The following KAZN variants were observed in gnomAD, a reference collection of about 807,000 sequenced individuals.
KAZN encodes kazrin.
In KAZN, 40 loss-of-function variants were observed where a neutral mutation model predicts 87.4. That is an observed-to-expected ratio of 0.46 (90% CI 0.36 to 0.60). The LOEUF (loss-of-function observed/expected upper bound fraction) is 0.60. Among genes scored for constraint, KAZN ranks in the 20% least tolerant of loss-of-function variants. KAZN has a pLI of 0.00. For synonymous variants in KAZN, 466 were observed against 458.3 expected, an observed-to-expected ratio of 1.02 and a Z score of -0.22; for missense variants, 898 against 1,073.9, an observed-to-expected ratio of 0.84 and a Z score of 2.29.
chr1:14,962,513 G>C (rs751597567), intron 2 of KAZN, among the ~76,000 whole-genome samples: 2 of 151,970 alleles, frequency 1.3e-5, no homozygotes, highest in African/African-American at 4.8e-5. Context: ...CATCCTCCAC[G>C]CCCAGCTTCC....
chr1:14,485,226 T>C (rs564973792), intron 2 of KAZN, among the ~76,000 whole-genome samples: 8 of 152,356 alleles, frequency 5.3e-5, no homozygotes, highest in African/African-American at 1.9e-4. Context: ...CATTTCCCTT[T>C]CATTGACCAC....
intron 2 of KAZN, among the ~76,000 whole-genome samples, chr1:14,379,227 C>T (rs1211536492): frequency 2.0e-5 from 3 of 151,666 alleles, no homozygotes; most frequent in African/African-American, 7.3e-5. Flanking sequence ...CCCTGAACAA[C>T]TGGCAGAAAT....
chr1:14,439,698 A>G (rs963485438), intron 2 of KAZN, among the ~76,000 whole-genome samples: 1 of 152,232 alleles, frequency 6.6e-6, no homozygotes, highest in African/African-American at 2.4e-5. Flanking sequence ...AAATAGTCAC[A>G]TGAGGCAGTG....
chr1:13,966,411 G>A (rs551275012), intron 1 of KAZN, among the ~76,000 whole-genome samples: 2 of 152,350 alleles, frequency 1.3e-5, no homozygotes, highest in South Asian at 4.1e-4. Context: ...GGCGGCAGCA[G>A]GTCCTCACAG....
At chr1:14,063,688 C>A (rs1642885103) in intron 1 of KAZN, among the ~76,000 whole-genome samples, 1 of 152,254 alleles carries the variant, frequency 6.6e-6, no homozygotes, top group South Asian at 2.1e-4. Context: ...TGTGTCCACT[C>A]AAATCTCACC....
At chr1:14,092,242 C>G (rs886987434) in intron 1 of KAZN, among the ~76,000 whole-genome samples, 4 of 151,194 alleles carry the variant, frequency 2.6e-5, no homozygotes, top group African/African-American at 9.7e-5. Flanking sequence ...AGGCGCCCAC[C>G]ACCACGCCCA....
intron 1 of KAZN, among the ~76,000 whole-genome samples, chr1:13,934,789 TG>T (rs145629288): frequency 0.17 from 25,709 of 152,158 alleles, 2,198 homozygotes; most frequent in African/African-American, 0.18. Flanking sequence ...TTACTTGGGT[TG>T]TTTACTTGCC....
At chr1:14,521,628 A>G (rs546636019) in intron 2 of KAZN, among the ~76,000 whole-genome samples, 2 of 152,330 alleles carry the variant, frequency 1.3e-5, no homozygotes, top group East Asian at 1.9e-4. Flanking sequence ...CAGCAAAGCA[A>G]CTGGCTTTGA....
intron 1 of KAZN, among the ~76,000 whole-genome samples, chr1:14,019,473 A>G (rs1286247083): frequency 6.6e-6 from 1 of 152,146 alleles, no homozygotes; most frequent in Non-Finnish European, 1.5e-5. Flanking sequence ...TTTGCTAGTT[A>G]TCCCTTTATC....
chr1:14,037,579 G>A (rs1422102460), intron 1 of KAZN, among the ~76,000 whole-genome samples: 1 of 152,180 alleles, frequency 6.6e-6, no homozygotes. Context: ...CGTGTGGCTT[G>A]CGGGGAGAAA....
chr1:14,953,684 C>T (rs1023005832), intron 1 of KAZN, among the ~76,000 whole-genome samples: 1 of 151,808 alleles, frequency 6.6e-6, no homozygotes, highest in African/African-American at 2.4e-5. Context: ...TTACTTAGAC[C>T]TTTGGCTTGG....
intron 1 of KAZN, among the ~76,000 whole-genome samples, chr1:14,891,521 G>A (rs779364666): frequency 3.9e-5 from 6 of 152,200 alleles, no homozygotes; most frequent in Non-Finnish European, 7.3e-5. Flanking sequence ...TAAGGAATCT[G>A]TATTTTAACA....
chr1:14,582,134 C>T (rs550124102), intron 2 of KAZN, among the ~76,000 whole-genome samples: 53 of 148,700 alleles, frequency 3.6e-4, no homozygotes, highest in Middle Eastern at 3.6e-3. Context: ...CACAACATCC[C>T]TATTTTACAA....
chr1:13,966,716 C>A (rs1641959454), intron 1 of KAZN, among the ~76,000 whole-genome samples: 1 of 152,134 alleles, frequency 6.6e-6, no homozygotes, highest in Admixed American at 6.5e-5. Flanking sequence ...GTAAAATAGA[C>A]ACAGGATTTC....
chr1:14,390,071 G>T (rs1391929131), intron 2 of KAZN, among the ~76,000 whole-genome samples: 1 of 151,552 alleles, frequency 6.6e-6, no homozygotes, highest in Non-Finnish European at 1.5e-5. Flanking sequence ...TAGAATGTGA[G>T]AAATAAATAA....
chr1:14,664,760 T>A (rs1172508902), intron 1 of KAZN, among the ~76,000 whole-genome samples: 3 of 151,570 alleles, frequency 2.0e-5, no homozygotes, highest in Admixed American at 2.0e-4. Context: ...TTCACGGTAT[T>A]CTCCTGCCTC....
intron 1 of KAZN, among the ~76,000 whole-genome samples, chr1:14,173,890 C>A (rs951197085): frequency 2.2e-4 from 33 of 152,180 alleles, no homozygotes; most frequent in African/African-American, 7.0e-4. Flanking sequence ...AAAGAATGTT[C>A]CTACAAAATA....
chr1:14,011,085 T>C (rs1311181839), intron 1 of KAZN, among the ~76,000 whole-genome samples: 1 of 152,182 alleles, frequency 6.6e-6, no homozygotes, highest in African/African-American at 2.4e-5. Context: ...TCACCCCATC[T>C]TGGGAGCCCC....
intron 1 of KAZN, among the ~76,000 whole-genome samples, chr1:14,777,051 A>C (rs1339592476): frequency 6.6e-6 from 1 of 151,710 alleles, no homozygotes; most frequent in Non-Finnish European, 1.5e-5. Flanking sequence ...CCCAGGCTGG[A>C]GTGCAGCAGC....
Sources: allele counts gnomAD v4.1 joint callset (sites outside exome capture counted in the v4.1 genomes callset), GRCh38; gene constraint gnomAD v4.1.1; transcripts MANE v1.5; gene names NCBI Gene and HGNC (gene_info 2026-07-23, HGNC 2026-07-21).